Variants in GLP2R observed in about 807,000 individuals in gnomAD.
GLP2R encodes the protein glucagon like peptide 2 receptor, also known as glucagon-like peptide 2 receptor.
GLP2R carries 59 observed loss-of-function variants against 68.2 expected under a neutral mutation model. That is an observed-to-expected ratio of 0.87 (90% CI 0.70 to 1.07). The LOEUF is 1.07. Ranked by LOEUF, GLP2R falls within the 50% of genes least tolerant of loss-of-function variation. GLP2R has a pLI of 0.00. For synonymous variants in GLP2R, 270 were observed against 265.4 expected (o/e 1.02, Z -0.17); for missense variants, 548 against 677.4 (o/e 0.81, Z 2.12).
At chr17:9,885,918 A>G (rs1192227760) in intron 11 of GLP2R, among the ~76,000 whole-genome samples, 2 of 152,138 alleles carry the variant, frequency 1.3e-5, no homozygotes, top group East Asian at 3.8e-4. Flanking sequence ...TCTGCTCATC[A>G]CCCTGTACTG....
chr17:9,865,235 T>A (rs1432130950), intron 9 of GLP2R, among the ~76,000 whole-genome samples: 1 of 152,162 alleles, frequency 6.6e-6, no homozygotes, highest in African/African-American at 2.4e-5. Flanking sequence ...TCCTGTCAAT[T>A]CTTCTTCTAA....
chr17:9,849,989 T>C (rs1030801500), intron 4 of GLP2R, among the ~76,000 whole-genome samples: 8 of 152,210 alleles, frequency 5.3e-5, no homozygotes, highest in Non-Finnish European at 8.8e-5. Context: ...TTTGTGGCAG[T>C]ATATCTTTTG....
chr17:9,873,807 G>A (rs957671647), intron 10 of GLP2R, among the ~76,000 whole-genome samples: 3 of 152,072 alleles, frequency 2.0e-5, no homozygotes, highest in African/African-American at 7.2e-5. Flanking sequence ...GCACTCTGCA[G>A]AAAGAACTAG....
chr17:9,863,047 G>A (rs2067001239), intron 9 of GLP2R, among the ~76,000 whole-genome samples: 1 of 152,154 alleles, frequency 6.6e-6, no homozygotes, highest in Admixed American at 6.5e-5. Flanking sequence ...GTGTGGACAG[G>A]CCTGTGTCAT....
At chr17:9,882,256 G>A (rs1204051850) in intron 11 of GLP2R, among the ~76,000 whole-genome samples, 1 of 152,182 alleles carries the variant, frequency 6.6e-6, no homozygotes, top group Non-Finnish European at 1.5e-5. Flanking sequence ...TCATCCTTGG[G>A]CATTGCCAGA....
chr17:9,842,941 A>G (rs2066801767), intron 4 of GLP2R, among the ~76,000 whole-genome samples: 1 of 152,162 alleles, frequency 6.6e-6, no homozygotes, highest in Non-Finnish European at 1.5e-5. Context: ...GGTTCAGTCC[A>G]AATATCTCCT....
At chr17:9,883,837 C>A (rs968244327) in intron 11 of GLP2R, among the ~76,000 whole-genome samples, 4 of 152,172 alleles carry the variant, frequency 2.6e-5, no homozygotes, top group African/African-American at 4.8e-5. Context: ...TTGGCAAACA[C>A]CCCTTTCAAG....
chr17:9,861,163 C>G lies in GLP2R; in HGVS notation c.950C>G (p.Pro317Arg), dbSNP rs760010718. ...GCCTTCCCTGTGCTATTTGTTGTAC[C>G]CTGGGGTTTCGCCCGTGCACACCTG... is the stretch of plus-strand genomic sequence containing the variant. The part of the protein sequence containing the change: ...GWAFPVLFVV[P>R]WGFARAHLEN... Residue 317 changes from proline (P) to arginine (R), a missense_variant, in exon 8 of 13, where the codon CCC (proline) becomes CGC (arginine). Coordinates refer to ENST00000262441, the MANE Select transcript of GLP2R (RefSeq NM_004246.3). 2 of 1,613,598 alleles carry G rather than the reference C, an allele frequency of 1.2e-6. No individual in the cohort carries two copies. Among genetic ancestry groups the G allele is most frequent in the Admixed American group, 3.3e-5 (2 of 60,002 alleles).
At chr17:9,849,217 A>T (rs917453867) in intron 4 of GLP2R, among the ~76,000 whole-genome samples, 2 of 152,070 alleles carry the variant, frequency 1.3e-5, no homozygotes, top group African/African-American at 2.4e-5. Context: ...ACACTCATAT[A>T]CCCAGTATTT....
At chr17:9,853,109 G>A (rs555444061) in intron 4 of GLP2R, 11 of 527,300 alleles carry the variant, frequency 2.1e-5, no homozygotes, top group East Asian at 1.3e-4. Context: ...GACTGCCTTC[G>A]TCATTCATTG....
At chr17:9,844,003 A>G (rs1389453313) in intron 4 of GLP2R, among the ~76,000 whole-genome samples, 1 of 152,112 alleles carries the variant, frequency 6.6e-6, no homozygotes, top group Non-Finnish European at 1.5e-5. Flanking sequence ...AGGATGGGGA[A>G]ACTGATGCAG....
intron 9 of GLP2R, among the ~76,000 whole-genome samples, chr17:9,867,867 G>A (rs1306744597): frequency 6.6e-6 from 1 of 152,130 alleles, no homozygotes; most frequent in Non-Finnish European, 1.5e-5. Flanking sequence ...GGTAAAATTT[G>A]TCTTCACTGG....
chr17:9,854,694 T>A, intron 5 of GLP2R, 93 bp downstream of exon 5: 2 of 786,310 alleles, frequency 2.5e-6, no homozygotes, highest in Non-Finnish European at 4.5e-6. Flanking sequence ...AGTAGATGCC[T>A]GAAACCAGGG....
chr17:9,851,861 A>G (rs2152037001), intron 4 of GLP2R, among the ~76,000 whole-genome samples: 1 of 152,236 alleles, frequency 6.6e-6, no homozygotes, highest in South Asian at 2.1e-4. Flanking sequence ...CAAAAACAGT[A>G]AGTTGCTTGG....
At chr17:9,846,686 T>G (rs957177597) in intron 4 of GLP2R, among the ~76,000 whole-genome samples, 1 of 152,172 alleles carries the variant, frequency 6.6e-6, no homozygotes, top group African/African-American at 2.4e-5. Flanking sequence ...CAGATGTTCT[T>G]TATAAAGTTT....
chr17:9,850,281 G>T (rs1188877971), intron 4 of GLP2R, among the ~76,000 whole-genome samples: 1 of 152,228 alleles, frequency 6.6e-6, no homozygotes, highest in Non-Finnish European at 1.5e-5. Context: ...GTAGAGGACA[G>T]TTGAACAAAA....
chr17:9,877,871 C>T (rs2067156078), intron 10 of GLP2R, among the ~76,000 whole-genome samples: 1 of 107,162 alleles, frequency 9.3e-6, no homozygotes, highest in Admixed American at 9.5e-5. Flanking sequence ...AACGAGACTC[C>T]GTCTCAAAAA....
intron 11 of GLP2R, among the ~76,000 whole-genome samples, chr17:9,881,680 C>G (rs531658434): frequency 6.6e-6 from 1 of 152,166 alleles, no homozygotes; most frequent in Non-Finnish European, 1.5e-5. Context: ...GCTCCCCTGC[C>G]AGGCCTTTTA....
intron 1 of GLP2R, among the ~76,000 whole-genome samples, chr17:9,831,580 G>A (rs2066680005): frequency 6.6e-6 from 1 of 152,190 alleles, no homozygotes; most frequent in South Asian, 2.1e-4. Flanking sequence ...GAGTTCACCA[G>A]GTGAAAATGA....
Sources: allele counts gnomAD v4.1 joint callset (sites outside exome capture counted in the v4.1 genomes callset), GRCh38; gene constraint gnomAD v4.1.1; transcripts MANE v1.5; gene names NCBI Gene and HGNC (gene_info 2026-07-23, HGNC 2026-07-21).